Variants in PHF24 observed in about 807,000 individuals in gnomAD.
The protein encoded by PHF24 is PHD finger protein 24.
In PHF24, 25 loss-of-function variants were observed where a neutral mutation model predicts 42.6. The ratio of observed to expected loss-of-function variants is 0.59; its 90% CI spans 0.43 to 0.82. The LOEUF is 0.82. Ranked by LOEUF, PHF24 falls within the 40% of genes least tolerant of loss-of-function variation. The pLI, the probability that PHF24 is intolerant of heterozygous loss-of-function variation, is 0.00. For synonymous variants in PHF24, 185 were observed against 204.8 expected, an observed-to-expected ratio of 0.90 and a Z score of 0.83; for missense variants, 470 against 538.1, an observed-to-expected ratio of 0.87 and a Z score of 1.25.
At chr9:34,889,649 G>A in the PHF24 span, 105 of 398,414 alleles carry the variant, frequency 2.6e-4, no homozygotes, top group East Asian at 3.7e-3. Context: ...GAAGGATGAT[G>A]CTCTTGTGAG....
chr9:34,868,167 A>G, the PHF24 span, among the ~76,000 whole-genome samples: 1 of 152,198 alleles, frequency 6.6e-6, no homozygotes, highest in Non-Finnish European at 1.5e-5. Flanking sequence ...CTGGGGAAGC[A>G]GAGTGGGTGT....
chr9:34,881,118 A>G, the PHF24 span, among the ~76,000 whole-genome samples: 2 of 152,262 alleles, frequency 1.3e-5, no homozygotes, highest in African/African-American at 2.4e-5. Context: ...TACTGGGTAC[A>G]TAATGAAATG....
At chr9:34,743,845 C>G in the PHF24 span, among the ~76,000 whole-genome samples, 2 of 152,122 alleles carry the variant, frequency 1.3e-5, no homozygotes, top group African/African-American at 4.8e-5. Context: ...ATTCAGTTCT[C>G]AGTTCTAGAG....
the PHF24 span, chr9:34,728,038 G>A: frequency 1.2e-5 from 19 of 1,552,136 alleles, no homozygotes; most frequent in Non-Finnish European, 1.7e-5. Flanking sequence ...ATGATGGAGA[G>A]CAGCTTCTGT....
chr9:34,852,299 G>C, the PHF24 span, among the ~76,000 whole-genome samples: 1 of 152,160 alleles, frequency 6.6e-6, no homozygotes, highest in African/African-American at 2.4e-5. Flanking sequence ...GGTAAATTCT[G>C]GGGGAGTCCA....
the PHF24 span, among the ~76,000 whole-genome samples, chr9:34,926,236 C>CTAT: frequency 1.3e-5 from 2 of 152,204 alleles, no homozygotes; most frequent in African/African-American, 2.4e-5. This position sits in a 1 kb window ranked among gnomAD's most constrained non-coding sequence, Gnocchi z 4.3. Flanking sequence ...GGCCATGGGG[C>CTAT]TATTACTCTG....
At chr9:34,869,470 C>G in the PHF24 span, among the ~76,000 whole-genome samples, 2 of 152,158 alleles carry the variant, frequency 1.3e-5, no homozygotes, top group African/African-American at 4.8e-5. Flanking sequence ...GATGTTATCT[C>G]CTTGTAGTTT....
At chr9:34,961,204 C>G (rs1370119289) in intron 1 of PHF24, among the ~76,000 whole-genome samples, 1 of 152,224 alleles carries the variant, frequency 6.6e-6, no homozygotes, top group Non-Finnish European at 1.5e-5. Context: ...TAGTCCCACA[C>G]GCTTCTCTCC....
chr9:34,711,626 T>C, the PHF24 span, among the ~76,000 whole-genome samples: 1 of 150,222 alleles, frequency 6.7e-6, no homozygotes, highest in Non-Finnish European at 1.5e-5. Context: ...CACTGCAACC[T>C]CCACCCTCCG....
the PHF24 span, among the ~76,000 whole-genome samples, chr9:34,929,528 G>A: frequency 1.3e-5 from 2 of 152,128 alleles, no homozygotes; most frequent in Non-Finnish European, 2.9e-5. Context: ...AAAAATGAAG[G>A]GATGAGATGA....
chr9:34,874,275 G>A, the PHF24 span, among the ~76,000 whole-genome samples: 5 of 152,168 alleles, frequency 3.3e-5, no homozygotes, highest in Non-Finnish European at 7.3e-5. Context: ...TCTTGTGCCG[G>A]TTTTCAAAGG....
the PHF24 span, among the ~76,000 whole-genome samples, chr9:34,919,706 A>G: frequency 5.6e-3 from 849 of 152,178 alleles, 11 homozygotes; most frequent in African/African-American, 0.019. Context: ...ACACACACAC[A>G]CACATCCCAA....
the PHF24 span, among the ~76,000 whole-genome samples, chr9:34,931,274 G>A: frequency 6.6e-6 from 1 of 151,418 alleles, no homozygotes; most frequent in African/African-American, 2.4e-5. Flanking sequence ...TACTCGGGAG[G>A]CTGAGGCAGG....
the PHF24 span, among the ~76,000 whole-genome samples, chr9:34,856,653 C>T: frequency 6.6e-6 from 1 of 152,230 alleles, no homozygotes; most frequent in African/African-American, 2.4e-5. Context: ...GCTTCTTCCT[C>T]TAGGAGCTCC....
At chr9:34,710,466 C>CTT in the PHF24 span, among the ~76,000 whole-genome samples, 19,901 of 117,292 alleles carry the variant, frequency 0.17, 2,194 homozygotes, top group East Asian at 0.53. Flanking sequence ...TGTAAGAGTT[C>CTT]TTTTTTTTTT....
chr9:34,946,285 A>G, the PHF24 span, among the ~76,000 whole-genome samples: 1 of 152,238 alleles, frequency 6.6e-6, no homozygotes. Context: ...CATTGAGAAG[A>G]CAATATCTTG....
the PHF24 span, among the ~76,000 whole-genome samples, chr9:34,875,907 TACACACACAC>T: frequency 9.3e-4 from 108 of 116,168 alleles, no homozygotes; most frequent in African/African-American, 1.2e-3. Flanking sequence ...CTCTCTCTCT[TACACACACAC>T]ACACACACAC....
At chr9:34,809,627 G>GT in the PHF24 span, among the ~76,000 whole-genome samples, 2 of 152,236 alleles carry the variant, frequency 1.3e-5, no homozygotes, top group African/African-American at 2.4e-5. This position sits in a 1 kb window ranked among gnomAD's most constrained non-coding sequence, Gnocchi z 4.1. Context: ...GAGGCCTAGG[G>GT]TGGGCAGCTT....
the PHF24 span, among the ~76,000 whole-genome samples, chr9:34,841,787 G>A: frequency 6.6e-6 from 1 of 152,190 alleles, no homozygotes; most frequent in African/African-American, 2.4e-5. Flanking sequence ...GAACCAGTTG[G>A]CGGAGGTTGC....
Sources: gnomAD v4.1 joint callset for allele counts (sites outside exome capture counted in the v4.1 genomes callset) on GRCh38, gnomAD v4.1.1 for gene constraint, Gnocchi (gnomAD v3.1) non-coding constraint, MANE v1.5 for transcripts, NCBI Gene and HGNC (gene_info 2026-07-23, HGNC 2026-07-21) for gene names.